MSTN: variants seen among roughly 807,000 people sequenced by gnomAD.
MSTN encodes growth/differentiation factor 8.
A neutral mutation model predicts 32.3 loss-of-function variants in MSTN; 12 were observed. The ratio of observed to expected loss-of-function variants is 0.37; its 90% CI spans 0.24 to 0.60. The LOEUF (loss-of-function observed/expected upper bound fraction) is 0.60, where lower values mean the gene tolerates loss of function less well. Ranked by LOEUF, MSTN falls within the 20% of genes least tolerant of loss-of-function variation. MSTN has a pLI of 0.67. For missense variants in MSTN, 403 were observed against 450.3 expected (o/e 0.89, Z 0.95); for synonymous variants, 168 against 155.1 (o/e 1.08, Z -0.62).
rs997992711 is a variant in MSTN, at chr2:190,062,708, A to C, written c.-112T>G. The C allele has an allele frequency of 9.3e-6, 9 of 966,988 alleles. No individual in the cohort carries two copies. In the African/African-American group the frequency reaches 1.5e-4, roughly 16 times the overall value. The allele number at this position is 966,988 out of a possible 1,614,324, so 59.9% of individuals were successfully genotyped here. Reference sequence around the variant, plus strand: ...TTAATGCATGTACAGTCTGAGAGACAACTTGCCACACCAGTGAATCTTTTA... The same window carrying C: ...TTAATGCATGTACAGTCTGAGAGACCACTTGCCACACCAGTGAATCTTTTA... On this transcript the variant is annotated 5_prime_UTR_variant, in exon 1 of 3. Transcript: ENST00000260950.
At position 190,060,085 on chromosome 2, in the gene MSTN, G is replaced by C. The variant is rs376218617; in HGVS notation, c.724C>G (p.Pro242Ala). 6.2e-7 allele frequency: 1 copy of C among 1,612,276 alleles called. No individual in the cohort carries two copies. The highest frequency in any genetic ancestry group is 2.2e-5 in the East Asian group (1 of 44,838). Residue 242 changes from proline (P) to alanine (A), a missense_variant, in exon 2 of 3, where the codon CCA (proline) becomes GCA (alanine). By Grantham distance (27) the Pro-to-Ala change is conservative (BLOSUM62 -1). Coordinates refer to ENST00000260950, the MANE Select transcript of MSTN (RefSeq NM_005259.3). ...ENGHDLAVTF[P>A]GPGEDGLNPF... ...ACCAGCCCATCTTCTCCTGGTCCTG[G>C]GAAGGTTACAGCAAGATCATGACCA...
At position 190,062,577 on chromosome 2, in the gene MSTN, C is replaced by T; in HGVS notation, c.20G>A (p.Cys7Tyr). Residue 7 changes from cysteine (C) to tyrosine (Y), a missense_variant, in exon 1 of 3, where the codon TGT (cysteine) becomes TAT (tyrosine). Coordinates refer to ENST00000260950, the MANE Select transcript of MSTN (RefSeq NM_005259.3). ...CAGCATAAACAGGTAAATATAAACA[C>T]AGAGTTGCAGTTTTTGCATGATTTT... MQKLQL[C>Y]VYIYLFMLIV... 1 of 1,612,254 alleles carries T rather than the reference C, an allele frequency of 6.2e-7. No homozygotes were observed. The highest frequency in any genetic ancestry group is 8.5e-7 in the Non-Finnish European group (1 of 1,179,108).
rs745781869 is a variant in MSTN, at chr2:190,057,256, T to G, written c.*2A>C. The G allele has an allele frequency of 1.2e-6, 2 of 1,613,066 alleles. No homozygotes were observed. The highest frequency in any genetic ancestry group is 1.7e-6 in the Non-Finnish European group (2 of 1,179,308). On this transcript the variant is annotated 3_prime_UTR_variant, in exon 3 of 3. Coordinates refer to ENST00000260950, the MANE Select transcript of MSTN (RefSeq NM_005259.3). The stretch of plus-strand genomic sequence containing the variant: ...GGAAGTTATGAACGCTTAATATAAA[T>G]CTCATGAGCACCCACAGCGGTCTAC...
chr2:190,059,279 G>T (rs993189573), intron 2 of MSTN, among the ~76,000 whole-genome samples: 9 of 151,826 alleles, frequency 5.9e-5, no homozygotes, highest in African/African-American at 2.2e-4. Context: ...CCCTAAATTT[G>T]TACTAGGAAT....
At chr2:190,061,344 A>G (rs1205580882) in intron 1 of MSTN, among the ~76,000 whole-genome samples, 1 of 151,992 alleles carries the variant, frequency 6.6e-6, no homozygotes, top group Non-Finnish European at 1.5e-5. Flanking sequence ...TCTTTCCTGG[A>G]GAAAGTATTC....
At chr2:190,058,361 A>T (rs891524894) in intron 2 of MSTN, among the ~76,000 whole-genome samples, 6 of 152,024 alleles carry the variant, frequency 3.9e-5, no homozygotes, top group Admixed American at 2.0e-4. Context: ...AATTCTACCT[A>T]TAAAAAGGAA....
chr2:190,057,913 C>T (rs1685481978), intron 2 of MSTN, among the ~76,000 whole-genome samples: 1 of 151,790 alleles, frequency 6.6e-6, no homozygotes, highest in African/African-American at 2.4e-5. Flanking sequence ...GATTGCCTGG[C>T]ACATAATGGA....
In MSTN at chr2:190,062,421, T is replaced by C. The variant is rs764734901; in HGVS notation, c.176A>G (p.Gln59Arg). Residue 59 changes from glutamine (Q) to arginine (R), a missense_variant, in exon 1 of 3, where the codon CAA (glutamine) becomes CGA (arginine). Physicochemically the swap from Gln to Arg is conservative, Grantham distance 43. Transcript: ENST00000260950. The part of the protein sequence containing the change: ...KSSRIEAIKI[Q>R]ILSKLRLETA... The stretch of plus-strand genomic sequence containing the variant: ...TTCCAGACGAAGTTTACTGAGGATT[T>C]GTATCTTAATGGCTTCTATTCTTGA... The C allele has an allele frequency of 6.2e-7, 1 of 1,613,548 alleles. No homozygotes were observed.
chr2:190,057,070 T>C lies in MSTN; in HGVS notation c.*188A>G, dbSNP rs951813700. On this transcript the variant is annotated 3_prime_UTR_variant, in exon 3 of 3. Coordinates refer to ENST00000260950, the MANE Select transcript of MSTN (RefSeq NM_005259.3). ...GAAATCATAAAACTTTCTTGTATGA[T>C]TTGTTTGGATGGTTAAATGCCAACC... 8 of 606,068 alleles carry C rather than the reference T, an allele frequency of 1.3e-5. No individual in the cohort carries two copies. The highest frequency in any genetic ancestry group is 8.9e-4 in the Middle Eastern group (2 of 2,256). The allele number at this position is 606,068 out of a possible 1,614,324, so 37.5% of individuals were successfully genotyped here.
chr2:190,058,889 T>C (rs1312071723), intron 2 of MSTN, among the ~76,000 whole-genome samples: 1 of 151,892 alleles, frequency 6.6e-6, no homozygotes, highest in Non-Finnish European at 1.5e-5. Context: ...TATACACTAC[T>C]TGGAGTGATG....
chr2:190,062,218 A>T lies in MSTN; in HGVS notation c.373+6T>A. On this transcript the variant is annotated splice_donor_region_variant and intron_variant, in intron 1 of 2. Coordinates refer to ENST00000260950, the MANE Select transcript of MSTN (RefSeq NM_005259.3). ...ACTGTTGATATACACTAATAGGACTACTTACACTCTGTAGGCATGGTAATG... is the reference window on the plus strand; with the variant it reads ...ACTGTTGATATACACTAATAGGACTTCTTACACTCTGTAGGCATGGTAATG... The T allele has an allele frequency of 6.2e-7, 1 of 1,612,736 alleles. No individual in the cohort carries two copies.
chr2:190,060,341 T>G lies in MSTN; in HGVS notation c.468A>C (p.Leu156=). The G allele has an allele frequency of 6.2e-7, 1 of 1,612,820 alleles. No homozygotes were observed. Among genetic ancestry groups the G allele is most frequent in the Non-Finnish European group, 8.5e-7 (1 of 1,179,142 alleles). The stretch of plus-strand genomic sequence containing the variant: ...TCTCGACGGGTCTCAAATATATCCA[T>G]AGTTGGGCCTTTACTACTTTATTGT... ...IQYNKVVKAQ[L]WIYLRPVETP... is the part of the protein sequence containing the mutation. The change falls in exon 2 of 3, where the codon CTA becomes CTC. Residue 156 remains leucine (L), a synonymous_variant. Transcript: ENST00000260950.
intron 1 of MSTN, 30 bp downstream of exon 1, chr2:190,062,194 C>T (rs368131833): frequency 3.1e-5 from 50 of 1,610,674 alleles, no homozygotes; most frequent in Non-Finnish European, 4.2e-5. Flanking sequence ...GTCAGCAGAA[C>T]TGTTGATATA....
rs975088588 is a variant in MSTN at position 190,055,965 on chromosome 2, A to G, written c.*1293T>C. ...TTGGTATACTTAGTAATGTTTTTGC[A>G]AGTATTAAAATAATGGAACGTTGAG... On this transcript the variant is annotated 3_prime_UTR_variant, in exon 3 of 3. Coordinates refer to ENST00000260950, the MANE Select transcript of MSTN (RefSeq NM_005259.3). 2 of 152,562 alleles carry G rather than the reference A, an allele frequency of 1.3e-5. No homozygotes were observed. Among genetic ancestry groups the G allele is most frequent in the Non-Finnish European group, 2.9e-5 (2 of 68,000 alleles). 9.5% of individuals were successfully genotyped at this position (152,562 alleles called of 1,614,324 possible). A position where few individuals can be genotyped will look rare whatever the true frequency, so the allele number is the denominator to read the frequency against.
At chr2:190,059,796 C>G (rs781320583) in intron 2 of MSTN, among the ~76,000 whole-genome samples, 1 of 151,682 alleles carries the variant, frequency 6.6e-6, no homozygotes, top group Non-Finnish European at 1.5e-5. Context: ...ATTTCATTCC[C>G]AATTCAAAAG....
chr2:190,062,176 GAAC>G (rs1390441179), intron 1 of MSTN, 45 bp downstream of exon 1: 2 of 1,600,274 alleles, frequency 1.2e-6, no homozygotes, highest in South Asian at 1.1e-5. Flanking sequence ...ATAAACACTA[GAAC>G]AACAGTCAGC....
rs1317979592 is a variant in MSTN at position 190,057,532 on chromosome 2, G to C, written c.854C>G (p.Pro285Arg). Residue 285 changes from proline (P) to arginine (R), a missense_variant, in exon 3 of 3, where the codon CCT (proline) becomes CGT (arginine). By Grantham distance (103) the Pro-to-Arg change is moderately radical. Transcript: ENST00000260950. ...AAAAGCTTCAAAATCCACAGTTAGA[G>C]GGTAACGACAGCATCGTGATTCTGT... ...HSTESRCCRY[P>R]LTVDFEAFGW... 6.2e-7 allele frequency: 1 copy of C among 1,613,506 alleles called. No individual in the cohort carries two copies. Among genetic ancestry groups the C allele is most frequent in the Non-Finnish European group, 8.5e-7 (1 of 1,179,594 alleles).
Position 190,059,934 on chromosome 2 carries a change from C to T in MSTN, c.747+128G>A, listed in dbSNP as rs1248945354. ...CTACTTTTATTGGGTACAGGGCTAC[C>T]GTTGGGGTAAGATACCTTTGTCTAG... is the stretch of plus-strand genomic sequence containing the variant. On this transcript the variant is annotated intron_variant, in intron 2 of 2. Transcript: ENST00000260950. 4.4e-6 allele frequency: 4 copies of T among 898,968 alleles called. No individual in the cohort carries two copies. The East Asian group carries it at 7.9e-5, about 18-fold the overall frequency. 55.7% of individuals were successfully genotyped at this position (898,968 alleles called of 1,614,324 possible). A position where few individuals can be genotyped will look rare whatever the true frequency, so the allele number is the denominator to read the frequency against.
At position 190,057,177 on chromosome 2, in the gene MSTN, G is replaced by A. The variant is rs755355591; in HGVS notation, c.*81C>T. 1.3e-6 allele frequency: 2 copies of A among 1,487,006 alleles called. No homozygotes were observed. Among genetic ancestry groups the A allele is most frequent in the Non-Finnish European group, 1.9e-6 (2 of 1,070,326 alleles). 92.1% of individuals were successfully genotyped at this position (1,487,006 alleles called of 1,614,324 possible). On this transcript the variant is annotated 3_prime_UTR_variant, in exon 3 of 3. Coordinates refer to ENST00000260950, the MANE Select transcript of MSTN (RefSeq NM_005259.3). The stretch of plus-strand genomic sequence containing the variant: ...AGCATACTCTAGGCCTATAGCCTGT[G>A]GTACTTAATTTCACAGCTTCAAAAT...
Sources: gnomAD v4.1 joint callset for allele counts (sites outside exome capture counted in the v4.1 genomes callset) on GRCh38, gnomAD v4.1.1 for gene constraint, MANE v1.5 for transcripts, NCBI Gene and HGNC (gene_info 2026-07-23, HGNC 2026-07-21) for gene names.